LAMA2: variants seen among roughly 807,000 people sequenced by gnomAD.
LAMA2 encodes laminin subunit alpha-2.
In LAMA2, 269 loss-of-function variants were observed where a neutral mutation model predicts 364.8. The ratio of observed to expected loss-of-function variants is 0.74; its 90% CI spans 0.67 to 0.82. LAMA2 has a LOEUF of 0.82. LAMA2 is among the 40% of genes least tolerant of loss of function. The pLI, the probability that LAMA2 is intolerant of heterozygous loss-of-function variation, is 0.00. For synonymous variants in LAMA2, 1,379 were observed against 1,370.6 expected (o/e 1.01, Z -0.14); for missense variants, 3,807 against 3,873.2 (o/e 0.98, Z 0.45).
At chr6:129,300,407 T>C (rs1773476941) in intron 21 of LAMA2, among the ~76,000 whole-genome samples, 1 of 152,130 alleles carries the variant, frequency 6.6e-6, no homozygotes, top group Non-Finnish European at 1.5e-5. Flanking sequence ...ATAGTAAACT[T>C]TGTAGTACCC....
chr6:129,258,175 A>G (rs1204556550), intron 14 of LAMA2, among the ~76,000 whole-genome samples: 1 of 152,078 alleles, frequency 6.6e-6, no homozygotes, highest in Non-Finnish European at 1.5e-5. Flanking sequence ...TCATGCCAAC[A>G]TAAGTACTGG....
intron 63 of LAMA2, 99 bp from the exon 64 acceptor site, chr6:129,514,274 C>T: frequency 3.4e-6 from 3 of 895,242 alleles, no homozygotes; most frequent in Non-Finnish European, 3.7e-6. Flanking sequence ...ATGATTCTGG[C>T]TGATGTCTTT....
At chr6:129,259,506 A>G (rs1434802952) in intron 14 of LAMA2, among the ~76,000 whole-genome samples, 1 of 152,084 alleles carries the variant, frequency 6.6e-6, no homozygotes, top group Non-Finnish European at 1.5e-5. Flanking sequence ...AATAGTAGTC[A>G]TTTAATTATG....
chr6:128,921,874 C>A (rs1482334234), intron 1 of LAMA2, among the ~76,000 whole-genome samples: 1 of 117,416 alleles, frequency 8.5e-6, no homozygotes, highest in Non-Finnish European at 1.7e-5. Context: ...CACCCCACAA[C>A]AGTCCCCAGA....
Position 129,316,271 on chromosome 6 carries a change from T to C in LAMA2, c.4058+100T>C. ...ATAAGAAAGATTGGAAAGTGATTGG[T>C]TTTGCAGTATAATGATAGAAGATAA... On this transcript the variant is annotated intron_variant, in intron 27 of 64. Transcript: ENST00000421865. The C allele has an allele frequency of 3.1e-6, 3 of 976,522 alleles. No individual in the cohort carries two copies. The East Asian group carries it at 7.3e-5, about 24-fold the overall frequency. 60.5% of individuals were successfully genotyped at this position (976,522 alleles called of 1,614,324 possible).
chr6:129,475,435 T>A, intron 53 of LAMA2, 34 bp downstream of exon 53: 1 of 1,547,336 alleles, frequency 6.5e-7, no homozygotes, highest in Non-Finnish European at 8.9e-7. Flanking sequence ...CTTCTTCGAG[T>A]GCATGGGTTG....
intron 1 of LAMA2, among the ~76,000 whole-genome samples, chr6:129,025,771 A>T (rs1785766480): frequency 6.6e-6 from 1 of 152,206 alleles, no homozygotes; most frequent in African/African-American, 2.4e-5. Context: ...TTGCTCATTT[A>T]AGGAAATTGC....
intron 12 of LAMA2, among the ~76,000 whole-genome samples, chr6:129,205,266 C>A (rs1009859856): frequency 6.6e-6 from 1 of 151,738 alleles, no homozygotes; most frequent in African/African-American, 2.4e-5. Context: ...GTGGCACACG[C>A]CTGTAGTCCC....
Position 129,315,418 on chromosome 6 carries a change from T to G in LAMA2, c.3556-58T>G. 4 of 1,501,576 alleles carry G rather than the reference T, an allele frequency of 2.7e-6. No individual in the cohort carries two copies. In the South Asian group the frequency reaches 3.4e-5, roughly 13 times the overall value. The allele number at this position is 1,501,576 out of a possible 1,614,324, so 93.0% of individuals were successfully genotyped here. A position where few individuals can be genotyped will look rare whatever the true frequency, so the allele number is the denominator to read the frequency against. ...ATAGACATGCAGTTCGTAACTTAGTTTTAAAGAAATGTCCAAAGCGTAAAT... is the reference window on the plus strand; with the variant it reads ...ATAGACATGCAGTTCGTAACTTAGTGTTAAAGAAATGTCCAAAGCGTAAAT... On this transcript the variant is annotated intron_variant, in intron 24 of 64. Transcript: ENST00000421865.
At chr6:129,141,067 T>G (rs1319814211) in intron 4 of LAMA2, among the ~76,000 whole-genome samples, 2 of 152,088 alleles carry the variant, frequency 1.3e-5, no homozygotes, top group African/African-American at 2.4e-5. Flanking sequence ...ACTCTAATAA[T>G]GTTCAGAAAC....
intron 29 of LAMA2, 49 bp downstream of exon 29, chr6:129,328,461 T>C: frequency 1.2e-6 from 2 of 1,613,668 alleles, no homozygotes; most frequent in African/African-American, 1.3e-5. Context: ...TCATTCCTCT[T>C]TACACATGCT....
rs1729286741 is a variant in LAMA2 at position 129,314,723 on chromosome 6, A to T, written c.3480A>T (p.Pro1160=). The stretch of plus-strand genomic sequence containing the variant: ...AATTCGGACTCGATGCCAAGAATCC[A>T]CTTGGCTGCAGCAGCTGCTATTGCT... ...PGKFGLDAKN[P]LGCSSCYCFG... Residue 1160 remains proline (P), a synonymous_variant, in exon 24 of 65, where the codon CCA becomes CCT. Coordinates refer to ENST00000421865, the MANE Select transcript of LAMA2 (RefSeq NM_000426.4). 6.2e-7 allele frequency: 1 copy of T among 1,613,862 alleles called. No homozygotes were observed. Among genetic ancestry groups the T allele is most frequent in the Non-Finnish European group, 8.5e-7 (1 of 1,179,948 alleles).
intron 1 of LAMA2, among the ~76,000 whole-genome samples, chr6:128,990,090 A>G (rs1783514544): frequency 6.6e-6 from 1 of 152,318 alleles, no homozygotes; most frequent in Non-Finnish European, 1.5e-5. Context: ...TATTATGACC[A>G]CTATTAAAAC....
intron 12 of LAMA2, among the ~76,000 whole-genome samples, chr6:129,240,657 A>T (rs1785336596): frequency 6.6e-6 from 1 of 152,204 alleles, no homozygotes; most frequent in Non-Finnish European, 1.5e-5. Context: ...TGCTCTGACT[A>T]GCTATGACTG....
chr6:129,118,083 C>T lies in LAMA2; in HGVS notation c.639+19668C>T, dbSNP rs75405132. ...TACCCATGAAAGAACATCAGTGTGA[C>T]TCCCTGCCAAATATCTGATAATGAA... On this transcript the variant is annotated intron_variant, in intron 4 of 64. Transcript: ENST00000421865. 3.2e-4 allele frequency among the ~76,000 whole-genome samples: 48 copies of T among 152,280 alleles called. No homozygotes were observed. In the East Asian group the frequency reaches 8.7e-3, roughly 28 times the overall value.
chr6:129,508,007 A>G lies in LAMA2; in HGVS notation c.8857+365A>G, dbSNP rs546862134. On this transcript the variant is annotated intron_variant, in intron 62 of 64. Transcript: ENST00000421865. ...TGATTTTTTTCTTCAATTCCCTGCA[A>G]GGCTGTATTTCATAATCTCCTCCCC... is the stretch of plus-strand genomic sequence containing the variant. Among the ~76,000 whole-genome samples the G allele has an allele frequency of 1.2e-3, 185 of 151,744 alleles. No individual in the cohort carries two copies. In the Middle Eastern group the frequency reaches 0.014, roughly 11 times the overall value.
chr6:129,044,781 T>C (rs1335709089), intron 1 of LAMA2, among the ~76,000 whole-genome samples: 1 of 152,142 alleles, frequency 6.6e-6, no homozygotes, highest in Admixed American at 6.5e-5. Context: ...TTTTATGTCA[T>C]TAACATTACA....
At chr6:129,483,004 T>C (rs1424637885) in intron 55 of LAMA2, among the ~76,000 whole-genome samples, 1 of 150,502 alleles carries the variant, frequency 6.6e-6, no homozygotes, top group Non-Finnish European at 1.5e-5. Flanking sequence ...GAGGCCGAGG[T>C]TGCAGTGAGC....
At chr6:129,338,431 T>C (rs984304746) in intron 29 of LAMA2, among the ~76,000 whole-genome samples, 2 of 152,222 alleles carry the variant, frequency 1.3e-5, no homozygotes, top group African/African-American at 2.4e-5. Context: ...CCATTATCTC[T>C]CATAATGCTA....
Sources: gnomAD v4.1 joint callset for allele counts (sites outside exome capture counted in the v4.1 genomes callset) on GRCh38, gnomAD v4.1.1 for gene constraint, MANE v1.5 for transcripts, NCBI Gene and HGNC (gene_info 2026-07-23, HGNC 2026-07-21) for gene names.